The following PDZD2 variants were observed in gnomAD, a reference collection of about 807,000 sequenced individuals.
PDZD2 encodes the protein PDZ domain containing 2, also known as PDZ domain-containing protein 2.
A neutral mutation model predicts 220.7 loss-of-function variants in PDZD2; 90 were observed. The ratio of observed to expected loss-of-function variants is 0.41; its 90% CI spans 0.34 to 0.49. The LOEUF (loss-of-function observed/expected upper bound fraction) is 0.49, where lower values mean the gene tolerates loss of function less well. Among genes scored for constraint, PDZD2 ranks in the 20% least tolerant of loss-of-function variants. The probability of loss-of-function intolerance (pLI) is 0.28; values close to 1 mark genes in which losing one functional copy is unlikely to be tolerated. For synonymous variants in PDZD2, 1,375 were observed against 1,450.5 expected, an observed-to-expected ratio of 0.95 and a Z score of 1.18; for missense variants, 3,174 against 3,608.5, an observed-to-expected ratio of 0.88 and a Z score of 3.08.
chr5:31,690,954 G>A (rs571776322), intron 1 of PDZD2, among the ~76,000 whole-genome samples: 2 of 152,298 alleles, frequency 1.3e-5, no homozygotes, highest in Non-Finnish European at 2.9e-5. Context: ...AAGTACGGGC[G>A]AGTCTAGCAG....
chr5:32,091,275 C>G (rs1743129784), intron 20 of PDZD2, 100 bp downstream of exon 20: 3 of 544,468 alleles, frequency 5.5e-6, no homozygotes, highest in Non-Finnish European at 8.7e-6. Context: ...AGAGTTCCCA[C>G]TTACTTTTTT....
intron 2 of PDZD2, among the ~76,000 whole-genome samples, chr5:31,898,810 T>TC (rs1290064910): frequency 1.7e-5 from 2 of 119,442 alleles, no homozygotes; most frequent in Non-Finnish European, 1.6e-5. Context: ...CCTCTCTTCT[T>TC]TTTTTTTTTT....
intron 1 of PDZD2, among the ~76,000 whole-genome samples, chr5:31,762,958 C>T (rs1751743758): frequency 6.6e-6 from 1 of 152,154 alleles, no homozygotes; most frequent in Non-Finnish European, 1.5e-5. Context: ...ACACACTTCC[C>T]CTCAGCAATG....
Position 32,077,450 on chromosome 5 carries a change from T to C in PDZD2, c.3538-12T>C. 6.2e-7 allele frequency: 1 copy of C among 1,613,204 alleles called. No homozygotes were observed. The highest frequency in any genetic ancestry group is 8.5e-7 in the Non-Finnish European group (1 of 1,179,868). The stretch of plus-strand genomic sequence containing the variant: ...AGTTATTTCAAGTGGCTTGTGGTTG[T>C]CATTGTGCCAGGAATCTCTGGGAAA... On this transcript the variant is annotated splice_polypyrimidine_tract_variant and intron_variant, in intron 18 of 24. Transcript: ENST00000438447.
At chr5:32,077,395 G>T in intron 18 of PDZD2, 67 bp from the exon 19 acceptor site, 1 of 1,530,360 alleles carries the variant, frequency 6.5e-7, no homozygotes, top group Non-Finnish European at 9.0e-7. Context: ...CTCTATATAT[G>T]ATCTCATCTT....
At position 32,000,279 on chromosome 5, in the gene PDZD2, G is replaced by C; in HGVS notation, c.1254+8G>C. The C allele has an allele frequency of 6.2e-7, 1 of 1,614,102 alleles. No homozygotes were observed. The highest frequency in any genetic ancestry group is 1.7e-5 in the Admixed American group (1 of 60,022). Reference sequence around the variant, plus strand: ...CTTGTGGTGGCCAGCAAGGTAGGTCGTGTTTGTTTTTTGGTACTCGTAATG... The same window carrying C: ...CTTGTGGTGGCCAGCAAGGTAGGTCCTGTTTGTTTTTTGGTACTCGTAATG... On this transcript the variant is annotated splice_region_variant and intron_variant, in intron 5 of 24. Coordinates refer to ENST00000438447, the MANE Select transcript of PDZD2 (RefSeq NM_178140.4). This position sits in a 1 kb window ranked among gnomAD's most constrained non-coding sequence, Gnocchi z 4.5.
intron 18 of PDZD2, among the ~76,000 whole-genome samples, chr5:32,075,859 C>CT (rs1741235156): frequency 6.6e-6 from 1 of 152,076 alleles, no homozygotes; most frequent in African/African-American, 2.4e-5. Flanking sequence ...AGGCAAAAGT[C>CT]GTTTTTTTAA....
At chr5:31,810,326 G>A (rs1182468210) in intron 2 of PDZD2, among the ~76,000 whole-genome samples, 5 of 149,052 alleles carry the variant, frequency 3.4e-5, no homozygotes, top group East Asian at 2.0e-4. Flanking sequence ...GCAGTGGCGC[G>A]ATCTCCGCTC....
intron 19 of PDZD2, among the ~76,000 whole-genome samples, chr5:32,085,900 T>C (rs1742403955): frequency 6.6e-6 from 1 of 152,046 alleles, no homozygotes. Context: ...GGAATTTTGG[T>C]AGGAATTGTA....
chr5:31,813,188 C>T (rs190787498), intron 2 of PDZD2, among the ~76,000 whole-genome samples: 41 of 152,192 alleles, frequency 2.7e-4, no homozygotes, highest in Non-Finnish European at 5.3e-4. Flanking sequence ...CGGTGGCTCA[C>T]GCCTGTAATG....
chr5:31,794,398 T>C (rs971810878), intron 1 of PDZD2, among the ~76,000 whole-genome samples: 14 of 124,752 alleles, frequency 1.1e-4, no homozygotes, highest in African/African-American at 2.8e-4. Context: ...TCTTTCTTTT[T>C]TTTTTTTTTT....
chr5:31,984,474 G>A (rs1260796590), intron 3 of PDZD2, among the ~76,000 whole-genome samples: 1 of 152,316 alleles, frequency 6.6e-6, no homozygotes, highest in Middle Eastern at 3.4e-3. Context: ...GATGCTGACT[G>A]GTTTCTTCTC....
chr5:31,863,187 G>A (rs1437984694), intron 2 of PDZD2, among the ~76,000 whole-genome samples: 1 of 152,098 alleles, frequency 6.6e-6, no homozygotes, highest in Non-Finnish European at 1.5e-5. Flanking sequence ...GCCCGGCCAT[G>A]AGACCTTTTT....
Position 31,950,942 on chromosome 5 carries a change from A to G in PDZD2, c.477-32213A>G, listed in dbSNP as rs1425322290. On this transcript the variant is annotated intron_variant, in intron 2 of 24. Transcript: ENST00000438447. The stretch of plus-strand genomic sequence containing the variant: ...ATTGCTCACAGTTCTGGAGGCTGCA[A>G]AGTCCAAGATCAAGGCACCGGCAGA... 1.3e-5 allele frequency among the ~76,000 whole-genome samples: 2 copies of G among 152,172 alleles called. 1 individual carries two copies. Among genetic ancestry groups the G allele is most frequent in the Middle Eastern group, 6.3e-3 (2 of 316 alleles).
intron 2 of PDZD2, among the ~76,000 whole-genome samples, chr5:31,949,080 AGAGT>A (rs920010025): frequency 7.3e-6 from 1 of 136,104 alleles, no homozygotes; most frequent in African/African-American, 2.8e-5. Context: ...CCTGGGTGAC[AGAGT>A]GAGACTCTGT....
In PDZD2 at chr5:32,088,911, A is replaced by G. The variant is rs1742794061; in HGVS notation, c.5463A>G (p.Glu1821=). 6.2e-7 allele frequency: 1 copy of G among 1,613,886 alleles called. No individual in the cohort carries two copies. The highest frequency in any genetic ancestry group is 1.7e-5 in the Admixed American group (1 of 59,970). ...GTHLRSKTEK[E]QPLMPARSPD... ...ATTTGAGGAGCAAAACCGAGAAGGAACAACCTCTAATGCCTGCCAGAAGTC... is the reference window on the plus strand; with the variant it reads ...ATTTGAGGAGCAAAACCGAGAAGGAGCAACCTCTAATGCCTGCCAGAAGTC... The change falls in exon 20 of 25, where the codon GAA becomes GAG. Residue 1821 remains glutamate (E), a synonymous_variant. Transcript: ENST00000438447. This position sits in a 1 kb window ranked among gnomAD's most constrained non-coding sequence, Gnocchi z 4.6.
At chr5:31,933,061 C>T (rs1293217588) in intron 2 of PDZD2, among the ~76,000 whole-genome samples, 1 of 152,078 alleles carries the variant, frequency 6.6e-6, no homozygotes, top group Non-Finnish European at 1.5e-5. Flanking sequence ...CAGATGTGTG[C>T]CACCACGCCT....
chr5:32,082,641 T>A (rs1458366999), intron 19 of PDZD2, among the ~76,000 whole-genome samples: 2 of 152,194 alleles, frequency 1.3e-5, no homozygotes, highest in Admixed American at 6.5e-5. Flanking sequence ...TGTGTGTATG[T>A]GATTTTCCTA....
At chr5:32,095,478 A>G (rs1743580801) in intron 21 of PDZD2, among the ~76,000 whole-genome samples, 2 of 152,134 alleles carry the variant, frequency 1.3e-5, no homozygotes, top group African/African-American at 4.8e-5. Context: ...GCTGTGAGAG[A>G]TTCGAGGCTT....
Sources: gnomAD v4.1 joint callset for allele counts (sites outside exome capture counted in the v4.1 genomes callset) on GRCh38, gnomAD v4.1.1 for gene constraint, Gnocchi (gnomAD v3.1) non-coding constraint, MANE v1.5 for transcripts, NCBI Gene and HGNC (gene_info 2026-07-23, HGNC 2026-07-21) for gene names.